The following GREB1L variants were observed in gnomAD, a reference collection of about 807,000 sequenced individuals.
GREB1L encodes the protein GREB1-like protein.
GREB1L carries 17 observed loss-of-function variants against 200.8 expected under a neutral mutation model. That is an observed-to-expected ratio of 0.08 (90% CI 0.06 to 0.13). GREB1L has a LOEUF of 0.13. GREB1L is among the 10% of genes least tolerant of loss of function. The probability of loss-of-function intolerance (pLI) is 1.00; values close to 1 mark genes in which losing one functional copy is unlikely to be tolerated. For synonymous variants in GREB1L, 789 were observed against 893.0 expected (o/e 0.88, Z 2.08); for missense variants, 1,657 against 2,367.7 (o/e 0.70, Z 6.23).
intron 5 of GREB1L, among the ~76,000 whole-genome samples, chr18:21,398,497 A>G (rs1168070398): frequency 1.3e-5 from 2 of 152,156 alleles, no homozygotes. Flanking sequence ...ATAATTTTTT[A>G]CTAACCACTT....
chr18:21,429,585 A>AC (rs2032984315), intron 7 of GREB1L, among the ~76,000 whole-genome samples: 1 of 151,902 alleles, frequency 6.6e-6, no homozygotes, highest in African/African-American at 2.4e-5. Context: ...TTTTTGAAAA[A>AC]ATTTGAGAAA....
chr18:21,341,404 AT>A (rs2039267888), intron 1 of GREB1L, among the ~76,000 whole-genome samples: 1 of 152,092 alleles, frequency 6.6e-6, no homozygotes, highest in Non-Finnish European at 1.5e-5. Context: ...AAGCTTCTTG[AT>A]TTCTGTACTT....
intron 15 of GREB1L, chr18:21,468,701 CTT>C (rs1364055676): frequency 2.2e-6 from 1 of 456,488 alleles, no homozygotes; most frequent in African/African-American, 2.0e-5. Context: ...CAATCTTTCT[CTT>C]CATGTCGTTT....
intron 7 of GREB1L, among the ~76,000 whole-genome samples, chr18:21,422,344 G>C (rs148338172): frequency 6.6e-6 from 1 of 152,132 alleles, no homozygotes; most frequent in South Asian, 2.1e-4. Flanking sequence ...ACCTATGTGC[G>C]TGTGTATATA....
intron 1 of GREB1L, among the ~76,000 whole-genome samples, chr18:21,330,840 G>A (rs1017615008): frequency 1.3e-4 from 20 of 151,780 alleles, no homozygotes; most frequent in South Asian, 2.1e-4. Context: ...ACTTCCTCCC[G>A]ACCTAGATAG....
At chr18:21,380,485 G>A (rs1360207566) in intron 2 of GREB1L, 3 of 152,088 alleles carry the variant, frequency 2.0e-5, no homozygotes, top group Admixed American at 6.6e-5. Context: ...GATAGAAGGG[G>A]GGCCTAAGAT....
chr18:21,280,390 T>C (rs535457380), intron 1 of GREB1L, among the ~76,000 whole-genome samples: 135 of 151,704 alleles, frequency 8.9e-4, no homozygotes, highest in African/African-American at 3.2e-3. Flanking sequence ...CTCCTTTCTT[T>C]CTTTTTTTTT....
At chr18:21,370,898 T>G (rs1189125920) in intron 2 of GREB1L, among the ~76,000 whole-genome samples, 1 of 151,838 alleles carries the variant, frequency 6.6e-6, no homozygotes, top group Non-Finnish European at 1.5e-5. Context: ...GCCTGCATGG[T>G]AAAATCCCGT....
chr18:21,479,649 A>G (rs2035842774), intron 17 of GREB1L, among the ~76,000 whole-genome samples: 1 of 152,048 alleles, frequency 6.6e-6, no homozygotes, highest in Non-Finnish European at 1.5e-5. Context: ...ACTACATTCC[A>G]GCTTGAGAGA....
intron 5 of GREB1L, among the ~76,000 whole-genome samples, chr18:21,397,801 T>G (rs1295440562): frequency 6.6e-6 from 1 of 152,202 alleles, no homozygotes; most frequent in Admixed American, 6.5e-5. Flanking sequence ...AAATTAGCAG[T>G]GAAGATCCAA....
chr18:21,515,337 A>G (rs1395746961), intron 28 of GREB1L, 80 bp from the exon 29 acceptor site: 5 of 911,034 alleles, frequency 5.5e-6, no homozygotes, highest in Admixed American at 2.2e-5. Flanking sequence ...TTACTGGTAT[A>G]TAGTAGTGTG....
At chr18:21,339,038 A>T (rs1242643947) in intron 1 of GREB1L, among the ~76,000 whole-genome samples, 1 of 151,980 alleles carries the variant, frequency 6.6e-6, no homozygotes, top group African/African-American at 2.4e-5. Context: ...AAAATACAAA[A>T]ATTCCTGGCG....
chr18:21,361,106 A>T (rs1315351681), intron 1 of GREB1L, among the ~76,000 whole-genome samples: 4 of 152,214 alleles, frequency 2.6e-5, no homozygotes, highest in African/African-American at 7.2e-5. Context: ...CAATGCAAAG[A>T]TTTAAATTTA....
intron 7 of GREB1L, among the ~76,000 whole-genome samples, chr18:21,415,617 A>G (rs984757533): frequency 1.3e-5 from 2 of 151,982 alleles, no homozygotes; most frequent in Admixed American, 1.3e-4. Context: ...GAAAGGAAGA[A>G]CCACCCAAAA....
rs1307644619 is a variant in GREB1L, at chr18:21,525,036, G to T, written c.*2215G>T. 1 of 64,258 alleles carries T rather than the reference G, an allele frequency of 1.6e-5. No individual in the cohort carries two copies. The highest frequency in any genetic ancestry group is 5.4e-5 in the Non-Finnish European group (1 of 18,380). 4.0% of individuals were successfully genotyped at this position (64,258 alleles called of 1,614,324 possible). ...TGTATATATATATATATCCTAGTGTGTTCAGCTTTAAGCTTTGCAATCCCT... is the reference window on the plus strand; with the variant it reads ...TGTATATATATATATATCCTAGTGTTTTCAGCTTTAAGCTTTGCAATCCCT... On this transcript the variant is annotated 3_prime_UTR_variant, in exon 33 of 33. Transcript: ENST00000424526.
chr18:21,370,858 G>A (rs1291974459), intron 2 of GREB1L, among the ~76,000 whole-genome samples: 1 of 152,160 alleles, frequency 6.6e-6, no homozygotes, highest in African/African-American at 2.4e-5. Flanking sequence ...CAGGTGGATT[G>A]CTTGAGGCCA....
intron 7 of GREB1L, among the ~76,000 whole-genome samples, chr18:21,428,653 G>C (rs538074226): frequency 6.9e-6 from 1 of 145,200 alleles, no homozygotes; most frequent in African/African-American, 2.6e-5. Context: ...TTTTTGAGAC[G>C]GAGTGTCGCT....
At chr18:21,453,200 G>A (rs2034606927) in intron 14 of GREB1L, among the ~76,000 whole-genome samples, 3 of 152,154 alleles carry the variant, frequency 2.0e-5, no homozygotes, top group Non-Finnish European at 4.4e-5. Context: ...CAGCCTAACT[G>A]TATTAAAAGA....
At chr18:21,521,093 A>G (rs2037586339) in intron 32 of GREB1L, among the ~76,000 whole-genome samples, 1 of 152,170 alleles carries the variant, frequency 6.6e-6, no homozygotes, top group African/African-American at 2.4e-5. Flanking sequence ...GCTACTGGGG[A>G]GGCTGAGGCA....
Sources: gnomAD v4.1 joint callset for allele counts (sites outside exome capture counted in the v4.1 genomes callset) on GRCh38, gnomAD v4.1.1 for gene constraint, MANE v1.5 for transcripts, NCBI Gene and HGNC (gene_info 2026-07-23, HGNC 2026-07-21) for gene names.